Variants in RAD54L observed in about 807,000 individuals in gnomAD.
RAD54L encodes the protein RAD54 like.
In RAD54L, 74 loss-of-function variants were observed where a neutral mutation model predicts 91.6. That is an observed-to-expected ratio of 0.81 (90% CI 0.67 to 0.98). RAD54L has a LOEUF of 0.98. RAD54L is among the 50% of genes least tolerant of loss of function. RAD54L has a pLI of 0.00. For synonymous variants in RAD54L, 304 were observed against 349.7 expected, an observed-to-expected ratio of 0.87 and a Z score of 1.46; for missense variants, 887 against 945.7, an observed-to-expected ratio of 0.94 and a Z score of 0.81.
At chr1:46,271,443 G>A (rs1377794933) in intron 10 of RAD54L, among the ~76,000 whole-genome samples, 4 of 152,158 alleles carry the variant, frequency 2.6e-5, no homozygotes, top group Non-Finnish European at 4.4e-5. Flanking sequence ...ATCACTTGAG[G>A]TAAGGAGTTC....
intron 3 of RAD54L, among the ~76,000 whole-genome samples, chr1:46,255,191 A>C (rs1419771221): frequency 6.6e-6 from 1 of 152,158 alleles, no homozygotes; most frequent in Non-Finnish European, 1.5e-5. Context: ...TAAGCAATCA[A>C]ATGAATATTT....
chr1:46,274,825 C>T, intron 16 of RAD54L, 108 bp downstream of exon 16: 1 of 1,313,102 alleles, frequency 7.6e-7, no homozygotes, highest in Non-Finnish European at 1.1e-6. Context: ...CTAGCAGTAG[C>T]CAAGCTATGG....
intron 2 of RAD54L, among the ~76,000 whole-genome samples, chr1:46,248,944 C>T (rs1659728585): frequency 2.0e-5 from 3 of 152,246 alleles, no homozygotes; most frequent in East Asian, 1.9e-4. Flanking sequence ...TGTCACAGAA[C>T]AGTAGAGTGT....
At chr1:46,264,551 T>C (rs1277272144) in intron 8 of RAD54L, among the ~76,000 whole-genome samples, 1 of 152,186 alleles carries the variant, frequency 6.6e-6, no homozygotes, top group Non-Finnish European at 1.5e-5. Flanking sequence ...ATCTGTAGAG[T>C]GGATGGCACA....
At chr1:46,276,616 C>G (rs1660610335) in intron 16 of RAD54L, among the ~76,000 whole-genome samples, 2 of 152,326 alleles carry the variant, frequency 1.3e-5, no homozygotes, top group South Asian at 4.1e-4. Context: ...ACCTTGCTCT[C>G]CAAGCCCTCC....
intron 4 of RAD54L, among the ~76,000 whole-genome samples, chr1:46,259,411 A>C (rs1660033398): frequency 6.6e-6 from 1 of 152,108 alleles, no homozygotes; most frequent in Non-Finnish European, 1.5e-5. Flanking sequence ...AATGAACCAG[A>C]TCTGGCACCT....
rs919955315 is a variant in RAD54L at position 46,248,171 on chromosome 1, CTT to C, written c.-233_-232del. 1.2e-5 allele frequency: 8 copies of C among 643,982 alleles called. No individual in the cohort carries two copies. The highest frequency in any genetic ancestry group is 2.0e-5 in the Non-Finnish European group (7 of 356,118). The allele number at this position is 643,982 out of a possible 1,614,324, so 39.9% of individuals were successfully genotyped here. ...ACTAATCTCTGCTTGGTCTCTTCCT[CTT>C]TGGCCTAATCTCTCGTCTCGGCTTA... On this transcript the variant is annotated 5_prime_UTR_variant, in exon 1 of 18. Coordinates refer to ENST00000371975, the MANE Select transcript of RAD54L (RefSeq NM_003579.4).
rs778377087 is a variant in RAD54L at position 46,263,922 on chromosome 1, C to T, written c.891+2537C>T. 5.3e-5 allele frequency among the ~76,000 whole-genome samples: 8 copies of T among 152,110 alleles called. No individual in the cohort carries two copies. Among genetic ancestry groups the T allele is most frequent in the African/African-American group, 1.2e-4 (5 of 41,414 alleles). Reference sequence around the variant, plus strand: ...AAGTAATTCTCCTGCCTCAGCCACCCGAGTAGCTGATATTACAGGCGTGCA... The same window carrying T: ...AAGTAATTCTCCTGCCTCAGCCACCTGAGTAGCTGATATTACAGGCGTGCA... On this transcript the variant is annotated intron_variant, in intron 8 of 17. Coordinates refer to ENST00000371975, the MANE Select transcript of RAD54L (RefSeq NM_003579.4). The surrounding 1 kb of genome is among the most constrained non-coding windows in gnomAD (Gnocchi z 4.3).
At chr1:46,260,461 CG>C in intron 5 of RAD54L, 80 bp from the exon 6 acceptor site, 1 of 1,390,336 alleles carries the variant, frequency 7.2e-7, no homozygotes, top group Non-Finnish European at 1.0e-6. Context: ...CTGTTGCCTC[CG>C]GATCAGCAGG....
intron 9 of RAD54L, among the ~76,000 whole-genome samples, chr1:46,268,774 T>G (rs1174447504): frequency 2.0e-5 from 3 of 152,240 alleles, no homozygotes; most frequent in Non-Finnish European, 4.4e-5. Flanking sequence ...TCTACTGGTT[T>G]GGTTTTGTTT....
chr1:46,262,116 C>T (rs1205680766), intron 8 of RAD54L, among the ~76,000 whole-genome samples: 1 of 151,672 alleles, frequency 6.6e-6, no homozygotes, highest in Non-Finnish European at 1.5e-5. Flanking sequence ...GAAACCCTGT[C>T]TCAAAACACA....
At chr1:46,270,608 A>G in intron 9 of RAD54L, 51 bp from the exon 10 acceptor site, 4 of 1,610,786 alleles carry the variant, frequency 2.5e-6, no homozygotes, top group Non-Finnish European at 2.5e-6. Context: ...TAGCTGTGGG[A>G]AAATCATTCC....
chr1:46,267,898 C>T (rs1272009603), intron 9 of RAD54L, among the ~76,000 whole-genome samples: 1 of 152,120 alleles, frequency 6.6e-6, no homozygotes, highest in African/African-American at 2.4e-5. Flanking sequence ...ATTTTTGTTC[C>T]TCAGATCCTA....
At chr1:46,270,325 C>T (rs1268508785) in intron 9 of RAD54L, among the ~76,000 whole-genome samples, 1 of 151,830 alleles carries the variant, frequency 6.6e-6, no homozygotes, top group Non-Finnish European at 1.5e-5. Context: ...GCCGAGATTG[C>T]ACTCCAGCCT....
intron 10 of RAD54L, 41 bp downstream of exon 10, chr1:46,270,826 C>G: frequency 6.2e-7 from 1 of 1,609,434 alleles, no homozygotes; most frequent in Non-Finnish European, 8.5e-7. Flanking sequence ...GCCTCCCAAA[C>G]CATCCATGGC....
intron 3 of RAD54L, among the ~76,000 whole-genome samples, chr1:46,255,237 A>G (rs1659908610): frequency 1.3e-5 from 2 of 152,226 alleles, no homozygotes; most frequent in East Asian, 1.9e-4. Context: ...TCCATTTTAA[A>G]TGCTGGTAAG....
intron 14 of RAD54L, 136 bp downstream of exon 14, chr1:46,273,883 T>C (rs966727224): frequency 6.9e-6 from 9 of 1,311,718 alleles, no homozygotes; most frequent in African/African-American, 5.9e-5. Context: ...CTTATTGCTA[T>C]GATGGCCTCA....
chr1:46,266,884 G>A (rs1660280581), intron 8 of RAD54L, among the ~76,000 whole-genome samples: 1 of 152,164 alleles, frequency 6.6e-6, no homozygotes. Context: ...GGAACAGAGG[G>A]AATCTTTGCT....
chr1:46,273,738 G>A lies in RAD54L; in HGVS notation c.1601G>A (p.Arg534His), dbSNP rs144207599. 590 of 1,606,312 alleles carry A rather than the reference G, an allele frequency of 3.7e-4. No individual in the cohort carries two copies. The African/African-American group carries it at 6.9e-3, about 19-fold the overall frequency. ...QTLDLFEKLCRARRYLYVRLD... is the reference protein window; with the variant it reads ...QTLDLFEKLCHARRYLYVRLD... ...TTGGATCTCTTTGAGAAGCTGTGCC[G>A]TGCCCGAAGGTAGGGAAGATCCTAA... Residue 534 changes from arginine to histidine, a missense_variant, in exon 14 of 18, where the codon CGT (arginine) becomes CAT (histidine). Arg to His is a conservative substitution (Grantham distance 29). Transcript: ENST00000371975.
Sources: allele counts gnomAD v4.1 joint callset (sites outside exome capture counted in the v4.1 genomes callset), GRCh38; gene constraint gnomAD v4.1.1; non-coding constraint Gnocchi (gnomAD v3.1); transcripts MANE v1.5; gene names NCBI Gene and HGNC (gene_info 2026-07-23, HGNC 2026-07-21).